OXNAD1: variants seen among roughly 807,000 people sequenced by gnomAD.
OXNAD1 encodes oxidoreductase NAD-binding domain-containing protein 1.
In OXNAD1, 34 loss-of-function variants were observed where a neutral mutation model predicts 32.9. That is an observed-to-expected ratio of 1.03 (90% CI 0.79 to 1.38). The LOEUF (loss-of-function observed/expected upper bound fraction) is 1.38, where lower values mean the gene tolerates loss of function less well. OXNAD1 is among the 40% of genes most tolerant of loss of function. The pLI, the probability that OXNAD1 is intolerant of heterozygous loss-of-function variation, is 0.00. For synonymous variants in OXNAD1, 134 were observed against 135.2 expected (o/e 0.99, Z 0.06); for missense variants, 407 against 379.4 (o/e 1.07, Z -0.60).
chr3:16,341,401 C>A (rs2071308645), downstream of OXNAD1, among the ~76,000 whole-genome samples: 1 of 152,162 alleles, frequency 6.6e-6, no homozygotes, highest in Admixed American at 6.5e-5. This position sits in a 1 kb window ranked among gnomAD's most constrained non-coding sequence, Gnocchi z 4.7. Context: ...TTGGAAGCAA[C>A]CAAGATGCCC....
intron 9 of OXNAD1, chr3:16,347,748 T>C (rs1369989455): frequency 6.6e-6 from 1 of 152,252 alleles, no homozygotes; most frequent in African/African-American, 2.4e-5. Context: ...ACATTTGCAC[T>C]GTAAGCATTT....
At chr3:16,279,537 G>T (rs190640505) in intron 4 of OXNAD1, among the ~76,000 whole-genome samples, 73 of 152,000 alleles carry the variant, frequency 4.8e-4, no homozygotes, top group African/African-American at 1.7e-3. Context: ...TTGAGGCCAC[G>T]TAGAGAGTAA....
chr3:16,288,302 A>G lies in OXNAD1; in HGVS notation c.290+1854A>G, dbSNP rs1195308598. Among the ~76,000 whole-genome samples, 1 of 152,156 alleles carries G rather than the reference A, an allele frequency of 6.6e-6. No homozygotes were observed. Among genetic ancestry groups the G allele is most frequent in the African/African-American group, 2.4e-5 (1 of 41,432 alleles). On this transcript the variant is annotated intron_variant, in intron 5 of 8. Transcript: ENST00000285083. This position sits in a 1 kb window ranked among gnomAD's most constrained non-coding sequence, Gnocchi z 5.1. ...TGGCTGCCATGCAGTTTGTGTAGGT[A>G]GGATTATCAGACTGGAGAGCTGCTA...
In OXNAD1 at chr3:16,324,333, CATT is replaced by C. The variant is rs148858646; in HGVS notation, c.*31-12775_*31-12773del. 5.6e-3 allele frequency among the ~76,000 whole-genome samples: 853 copies of C among 152,240 alleles called. 5 individuals are homozygous for C. The highest frequency in any genetic ancestry group is 9.6e-3 in the Non-Finnish European group (651 of 68,012). ...TTTAGGAACTGTAAACTATACAAGG[CATT>C]ATTGTTTATAATAGTCACCATTCTG... is the stretch of plus-strand genomic sequence containing the variant. On this transcript the variant is annotated intron_variant, in intron 9 of 9. Transcript: ENST00000435829.
chr3:16,325,027 G>A (rs1292633763), intron 9 of OXNAD1, among the ~76,000 whole-genome samples: 1 of 151,950 alleles, frequency 6.6e-6, no homozygotes, highest in Admixed American at 6.6e-5. Flanking sequence ...TCTCACTGTG[G>A]TTTTAATTTG....
intron 9 of OXNAD1, among the ~76,000 whole-genome samples, chr3:16,318,081 C>T (rs1295919327): frequency 6.6e-6 from 1 of 152,184 alleles, no homozygotes; most frequent in African/African-American, 2.4e-5. Flanking sequence ...AAGTCAGGGG[C>T]TCAGAGTCCC....
chr3:16,318,720 C>T (rs28361870), intron 9 of OXNAD1, among the ~76,000 whole-genome samples: 4,081 of 152,260 alleles, frequency 0.027, 184 homozygotes, highest in African/African-American at 0.093. Flanking sequence ...TAACATTTAT[C>T]TGGTCCTTTC....
Position 16,289,123 on chromosome 3 carries a change from T to C in OXNAD1, c.290+2675T>C, listed in dbSNP as rs546502645. On this transcript the variant is annotated intron_variant, in intron 5 of 8. Coordinates refer to ENST00000285083, the MANE Select transcript of OXNAD1 (RefSeq NM_138381.5). The surrounding 1 kb of genome is among the most constrained non-coding windows in gnomAD (Gnocchi z 4.9). ...GGGATATTTAAAGTGTTTAGCATAATGCCTACTGTTAACTTCATTTGTTTG... is the reference window on the plus strand; with the variant it reads ...GGGATATTTAAAGTGTTTAGCATAACGCCTACTGTTAACTTCATTTGTTTG... Among the ~76,000 whole-genome samples the C allele has an allele frequency of 3.3e-5, 5 of 152,392 alleles. No individual in the cohort carries two copies. The South Asian group carries it at 1.0e-3, about 32-fold the overall frequency.
downstream of OXNAD1, among the ~76,000 whole-genome samples, chr3:16,310,889 C>G (rs2067925368): frequency 2.0e-5 from 3 of 148,802 alleles, no homozygotes; most frequent in South Asian, 6.4e-4. Context: ...ACTCGGCAGG[C>G]TGAGGCAAGA....
intron 9 of OXNAD1, among the ~76,000 whole-genome samples, chr3:16,331,431 A>G (rs959271441): frequency 2.0e-5 from 3 of 152,224 alleles, no homozygotes; most frequent in Admixed American, 2.0e-4. Context: ...TGTTTGTGTT[A>G]TCACAGTTTT....
chr3:16,305,920 G>A lies in OXNAD1; in HGVS notation c.*2358G>A, dbSNP rs1310204956. On this transcript the variant is annotated 3_prime_UTR_variant, in exon 9 of 9. Transcript: ENST00000285083. This position sits in a 1 kb window ranked among gnomAD's most constrained non-coding sequence, Gnocchi z 4.5. ...AATTTGCTATTCCTTGTCCTATTCAGAAAGGATTTCAAGAGGCTGGATGCC... is the reference window on the plus strand; with the variant it reads ...AATTTGCTATTCCTTGTCCTATTCAAAAAGGATTTCAAGAGGCTGGATGCC... The A allele has an allele frequency of 6.6e-6, 1 of 152,156 alleles. No homozygotes were observed. The highest frequency in any genetic ancestry group is 1.9e-4 in the East Asian group (1 of 5,202). The allele number at this position is 152,156 out of a possible 1,614,324, so 9.4% of individuals were successfully genotyped here.
chr3:16,268,467 TTA>T (rs765425904), intron 1 of OXNAD1, among the ~76,000 whole-genome samples: 27 of 151,762 alleles, frequency 1.8e-4, no homozygotes, highest in Admixed American at 7.9e-4. Context: ...GTAACTGGGA[TTA>T]TAGGCGCCCG....
At chr3:16,318,884 A>G (rs555097474) in intron 9 of OXNAD1, among the ~76,000 whole-genome samples, 11 of 152,202 alleles carry the variant, frequency 7.2e-5, no homozygotes, top group Non-Finnish European at 1.3e-4. Context: ...GAGGATCCCA[A>G]TAATGGAATC....
chr3:16,330,797 A>G (rs1286015353), intron 9 of OXNAD1, among the ~76,000 whole-genome samples: 2 of 152,236 alleles, frequency 1.3e-5, no homozygotes, highest in African/African-American at 4.8e-5. Flanking sequence ...TTACCCTCCA[A>G]AAATTAGGAC....
chr3:16,327,630 G>A lies in OXNAD1; in HGVS notation c.*31-9482G>A, dbSNP rs567299493. ...AAAAAAATTAGCCAGGCCTGGTGGC[G>A]GGCGCCTGTAGTCCCAGCTACTCGG... On this transcript the variant is annotated intron_variant, in intron 9 of 9. Transcript: ENST00000435829. The surrounding 1 kb of genome is among the most constrained non-coding windows in gnomAD (Gnocchi z 4.2). Among the ~76,000 whole-genome samples, 5 of 152,060 alleles carry A rather than the reference G, an allele frequency of 3.3e-5. No homozygotes were observed. Among genetic ancestry groups the A allele is most frequent in the East Asian group, 1.9e-4 (1 of 5,162 alleles).
chr3:16,327,339 CAT>C lies in OXNAD1; in HGVS notation c.*31-9772_*31-9771del, dbSNP rs1008717769. ...ACAGCAACACACACATGCACATCCA[CAT>C]GTGTGTGTACACGCAGAAGCTGCTT... On this transcript the variant is annotated intron_variant, in intron 9 of 9. Coordinates refer to the OXNAD1 transcript ENST00000435829. This position sits in a 1 kb window ranked among gnomAD's most constrained non-coding sequence, Gnocchi z 4.2. 6.6e-5 allele frequency among the ~76,000 whole-genome samples: 10 copies of C among 152,032 alleles called. No homozygotes were observed. The highest frequency in any genetic ancestry group is 3.2e-3 in the Middle Eastern group (1 of 316).
chr3:16,333,955 G>A (rs2070594645), intron 9 of OXNAD1, among the ~76,000 whole-genome samples: 1 of 152,084 alleles, frequency 6.6e-6, no homozygotes, highest in Non-Finnish European at 1.5e-5. Flanking sequence ...CACGAGGTCA[G>A]GAGATCGAGA....
chr3:16,281,260 G>A (rs1034861411), intron 4 of OXNAD1, among the ~76,000 whole-genome samples: 1 of 152,004 alleles, frequency 6.6e-6, no homozygotes. Flanking sequence ...AATTGTGCAG[G>A]GTATTTTATG....
At position 16,329,460 on chromosome 3, in the gene OXNAD1, C is replaced by T. The variant is rs1162037622; in HGVS notation, c.*31-7652C>T. ...TACAGGTGGGGCCAGGAGAGAATGCCATTCTGGTCCCTTCCCTGAAGCCTC... is the reference window on the plus strand; with the variant it reads ...TACAGGTGGGGCCAGGAGAGAATGCTATTCTGGTCCCTTCCCTGAAGCCTC... On this transcript the variant is annotated intron_variant, in intron 9 of 9. Coordinates refer to the OXNAD1 transcript ENST00000435829. This position sits in a 1 kb window ranked among gnomAD's most constrained non-coding sequence, Gnocchi z 4.5. 6.6e-6 allele frequency among the ~76,000 whole-genome samples: 1 copy of T among 152,156 alleles called. No individual in the cohort carries two copies. The highest frequency in any genetic ancestry group is 2.4e-5 in the African/African-American group (1 of 41,434).
Sources: allele counts gnomAD v4.1 joint callset (sites outside exome capture counted in the v4.1 genomes callset), GRCh38; gene constraint gnomAD v4.1.1; non-coding constraint Gnocchi (gnomAD v3.1); transcripts MANE v1.5; gene names NCBI Gene and HGNC (gene_info 2026-07-23, HGNC 2026-07-21).